The following SESTD1 variants were observed in gnomAD, a reference collection of about 807,000 sequenced individuals.
SESTD1 encodes SEC14 and spectrin domain containing 1.
In SESTD1, 43 loss-of-function variants were observed where a neutral mutation model predicts 101.7. The observed-to-expected ratio is 0.42, with a 90% CI of 0.33 to 0.55. The LOEUF (loss-of-function observed/expected upper bound fraction) is 0.55, where lower values mean the gene tolerates loss of function less well. Among genes scored for constraint, SESTD1 ranks in the 20% least tolerant of loss-of-function variants. SESTD1 has a pLI of 0.07. For missense variants in SESTD1, 647 were observed against 815.1 expected (o/e 0.79, Z 2.51); for synonymous variants, 283 against 286.8 (o/e 0.99, Z 0.13).
At chr2:179,112,615 G>C (rs892533987) in intron 17 of SESTD1, 109 bp downstream of exon 17, 7 of 1,347,604 alleles carry the variant, frequency 5.2e-6, no homozygotes, top group Non-Finnish European at 6.9e-6. Flanking sequence ...TTAAAGATGT[G>C]GACCAAACCT....
At chr2:179,227,629 C>CA (rs1435977533) in intron 1 of SESTD1, among the ~76,000 whole-genome samples, 2 of 152,088 alleles carry the variant, frequency 1.3e-5, no homozygotes, top group Admixed American at 1.3e-4. Context: ...GTTTCCTTTA[C>CA]AAAAAATGAT....
Position 179,183,105 on chromosome 2 carries a change from A to T in SESTD1, c.139T>A (p.Leu47Ile). 1 of 1,611,086 alleles carries T rather than the reference A, an allele frequency of 6.2e-7. No homozygotes were observed. Among genetic ancestry groups the T allele is most frequent in the Non-Finnish European group, 8.5e-7 (1 of 1,178,536 alleles). Reference protein sequence around the residue: ...QTNMDELSVTLDYLLSIPSEK... With the variant: ...QTNMDELSVTIDYLLSIPSEK... ...CTTGGAATGCTGAGTAGGTAGTCTA[A>T]GGTGACACTCAGCTCATCCATATTT... is the stretch of plus-strand genomic sequence containing the variant. Residue 47 changes from leucine (L) to isoleucine (I), a missense_variant, in exon 3 of 18, where the codon TTA becomes ATA. Around this residue, in one of 3 missense-constraint regions of SESTD1, gnomAD observed 168 missense variants for 235.1 expected, o/e 0.71. Coordinates refer to ENST00000428443, the MANE Select transcript of SESTD1 (RefSeq NM_178123.5).
intron 1 of SESTD1, among the ~76,000 whole-genome samples, chr2:179,235,682 C>T (rs1342198425): frequency 6.6e-6 from 1 of 152,204 alleles, no homozygotes; most frequent in Non-Finnish European, 1.5e-5. Flanking sequence ...CCTGACTCCA[C>T]TCACCCGCCT....
chr2:179,196,524 G>C (rs1413580701), intron 1 of SESTD1, among the ~76,000 whole-genome samples: 2 of 152,264 alleles, frequency 1.3e-5, no homozygotes, highest in Non-Finnish European at 2.9e-5. Flanking sequence ...CAAACAAAAA[G>C]ACAGCAGTAA....
At chr2:179,183,563 A>AT (rs2046155754) in intron 2 of SESTD1, among the ~76,000 whole-genome samples, 1 of 152,124 alleles carries the variant, frequency 6.6e-6, no homozygotes, top group Non-Finnish European at 1.5e-5. Flanking sequence ...TATTTAGGAG[A>AT]TAAGAAATAT....
intron 6 of SESTD1, 34 bp from the exon 7 acceptor site, chr2:179,149,428 A>G: frequency 1.4e-6 from 2 of 1,387,348 alleles, no homozygotes; most frequent in Non-Finnish European, 2.0e-6. Context: ...TACTAAGAAC[A>G]GTCTTAAAAA....
At chr2:179,217,895 C>T (rs2046748588) in intron 1 of SESTD1, among the ~76,000 whole-genome samples, 3 of 152,194 alleles carry the variant, frequency 2.0e-5, no homozygotes, top group East Asian at 1.9e-4. Flanking sequence ...AAACCAAACA[C>T]CACATGTTCT....
chr2:179,216,509 T>C lies in SESTD1; in HGVS notation c.-25-24643A>G, dbSNP rs1364621255. Among the ~76,000 whole-genome samples, 15 of 135,448 alleles carry C rather than the reference T, an allele frequency of 1.1e-4. 5 individuals carry two copies. The East Asian group carries it at 2.0e-3, about 18-fold the overall frequency. 88.9% of individuals were successfully genotyped at this position (135,448 alleles called of 152,430 possible). On this transcript the variant is annotated intron_variant, in intron 1 of 17. Transcript: ENST00000428443. ...CACAAACAAATGGAAGAATATTCCATGCTCATGGATAGGAAGAATCAATAT... is the reference window on the plus strand; with the variant it reads ...CACAAACAAATGGAAGAATATTCCACGCTCATGGATAGGAAGAATCAATAT...
At chr2:179,191,274 C>A (rs1407589827) in intron 2 of SESTD1, among the ~76,000 whole-genome samples, 1 of 152,134 alleles carries the variant, frequency 6.6e-6, no homozygotes, top group East Asian at 1.9e-4. Flanking sequence ...ATGCCCTTTG[C>A]CACAACATGG....
intron 1 of SESTD1, 35 bp downstream of exon 1, chr2:179,264,463 CT>C (rs2047530524): frequency 6.6e-6 from 1 of 150,558 alleles, no homozygotes; most frequent in South Asian, 2.0e-4. Context: ...GGCCTGCGCG[CT>C]TCTCCCGCCC....
chr2:179,121,689 T>G lies in SESTD1; in HGVS notation c.1442+81A>C. ...ATATAACAGTTAAGAACGTTTTGTC[T>G]GTATATAAAATGTTATATAACTTCA... On this transcript the variant is annotated intron_variant, in intron 13 of 17. Coordinates refer to ENST00000428443, the MANE Select transcript of SESTD1 (RefSeq NM_178123.5). 4.1e-6 allele frequency: 5 copies of G among 1,226,440 alleles called. No individual in the cohort carries two copies. The South Asian group carries it at 1.1e-4, about 26-fold the overall frequency. 76.0% of individuals were successfully genotyped at this position (1,226,440 alleles called of 1,614,324 possible).
chr2:179,107,487 C>A lies in SESTD1; in HGVS notation c.*2412G>T, dbSNP rs1207051228. The A allele has an allele frequency of 6.6e-6, 1 of 152,016 alleles. No individual in the cohort carries two copies. Among genetic ancestry groups the A allele is most frequent in the Non-Finnish European group, 1.5e-5 (1 of 67,976 alleles). 9.4% of individuals were successfully genotyped at this position (152,016 alleles called of 1,614,324 possible). On this transcript the variant is annotated 3_prime_UTR_variant, in exon 18 of 18. Transcript: ENST00000428443. ...TACTAACAAACCAGTTCCTTTCTAGCAAAGTCTTAAGAAAAACATTCTAAC... is the reference window on the plus strand; with the variant it reads ...TACTAACAAACCAGTTCCTTTCTAGAAAAGTCTTAAGAAAAACATTCTAAC...
chr2:179,144,823 T>C (rs929707475), intron 8 of SESTD1, among the ~76,000 whole-genome samples: 5 of 151,992 alleles, frequency 3.3e-5, no homozygotes, highest in African/African-American at 1.2e-4. Context: ...TAGTAGCATA[T>C]AAAATTAAAT....
At chr2:179,233,807 C>CGTGT (rs956086631) in intron 1 of SESTD1, among the ~76,000 whole-genome samples, 4 of 152,000 alleles carry the variant, frequency 2.6e-5, no homozygotes, top group Non-Finnish European at 4.4e-5. Flanking sequence ...TGCATGCATG[C>CGTGT]GTGTGTGTGC....
intron 1 of SESTD1, among the ~76,000 whole-genome samples, chr2:179,192,652 A>C (rs2046335251): frequency 6.6e-6 from 1 of 151,688 alleles, no homozygotes; most frequent in African/African-American, 2.4e-5. Flanking sequence ...GCAAGGGCTA[A>C]GGGCAAGATA....
intron 3 of SESTD1, among the ~76,000 whole-genome samples, chr2:179,176,934 C>G (rs2046022358): frequency 1.3e-5 from 2 of 152,190 alleles, no homozygotes. Flanking sequence ...TCTCACCTAC[C>G]TGCCAGAAGT....
chr2:179,204,835 A>C lies in SESTD1; in HGVS notation c.-25-12969T>G, dbSNP rs1322707618. Among the ~76,000 whole-genome samples, 3 of 134,346 alleles carry C rather than the reference A, an allele frequency of 2.2e-5. 1 individual carries two copies. Among genetic ancestry groups the C allele is most frequent in the Non-Finnish European group, 4.8e-5 (3 of 62,606 alleles). 88.1% of individuals were successfully genotyped at this position (134,346 alleles called of 152,430 possible). A position where few individuals can be genotyped will look rare whatever the true frequency, so the allele number is the denominator to read the frequency against. On this transcript the variant is annotated intron_variant, in intron 1 of 17. Transcript: ENST00000428443. ...GACCTCAGGGACTCCTGAAAGCTAG[A>C]AACAAGAGAACTACTGATCTCAGTT...
In SESTD1 at chr2:179,102,018, T is replaced by A. The variant is rs2044284157; in HGVS notation, c.*7881A>T. ...TGTTTATAGCATGATATGATTGTGT[T>A]ATTTTAAATACAGCTTTGTTGTAAT... is the stretch of plus-strand genomic sequence containing the variant. On this transcript the variant is annotated 3_prime_UTR_variant, in exon 18 of 18. Coordinates refer to ENST00000428443, the MANE Select transcript of SESTD1 (RefSeq NM_178123.5). 6.6e-6 allele frequency: 1 copy of A among 152,182 alleles called. No homozygotes were observed. Among genetic ancestry groups the A allele is most frequent in the Non-Finnish European group, 1.5e-5 (1 of 68,030 alleles). The allele number at this position is 152,182 out of a possible 1,614,324, so 9.4% of individuals were successfully genotyped here. A position where few individuals can be genotyped will look rare whatever the true frequency, so the allele number is the denominator to read the frequency against.
intron 1 of SESTD1, among the ~76,000 whole-genome samples, chr2:179,224,327 ACAG>A (rs1442547716): frequency 6.6e-6 from 1 of 152,204 alleles, no homozygotes; most frequent in East Asian, 1.9e-4. Flanking sequence ...GCAGAGGAAA[ACAG>A]CAGCCTAGTG....
Sources: allele counts gnomAD v4.1 joint callset (sites outside exome capture counted in the v4.1 genomes callset), GRCh38; gene constraint gnomAD v4.1.1; regional missense constraint gnomAD v4.1.1; transcripts MANE v1.5; gene names NCBI Gene and HGNC (gene_info 2026-07-23, HGNC 2026-07-21).